LIN9: variants seen among roughly 807,000 people sequenced by gnomAD.
LIN9 encodes the protein lin-9 DREAM MuvB core complex component.
A neutral mutation model predicts 78.0 loss-of-function variants in LIN9; 18 were observed. That is an observed-to-expected ratio of 0.23 (90% CI 0.16 to 0.34). LIN9 has a LOEUF of 0.34. LIN9 is among the 10% of genes least tolerant of loss of function. The pLI, the probability that LIN9 is intolerant of heterozygous loss-of-function variation, is 1.00. For synonymous variants in LIN9, 192 were observed against 215.2 expected, an observed-to-expected ratio of 0.89 and a Z score of 0.94; for missense variants, 451 against 644.1, an observed-to-expected ratio of 0.70 and a Z score of 3.25.
chr1:226,235,352 G>C (rs1657627581), intron 12 of LIN9, among the ~76,000 whole-genome samples: 1 of 141,560 alleles, frequency 7.1e-6, no homozygotes, highest in Non-Finnish European at 1.5e-5. Flanking sequence ...AAGAGTTTCA[G>C]GACTGCTATG....
chr1:226,259,191 C>T (rs1659407270), intron 10 of LIN9, among the ~76,000 whole-genome samples: 1 of 151,992 alleles, frequency 6.6e-6, no homozygotes, highest in Admixed American at 6.6e-5. Flanking sequence ...AATTCCTGAC[C>T]TCAAGTGATC....
intron 1 of LIN9, 103 bp downstream of exon 1, chr1:226,309,006 G>C: frequency 2.5e-6 from 3 of 1,194,274 alleles, no homozygotes; most frequent in Non-Finnish European, 3.2e-6. Flanking sequence ...CTGGCAGTCA[G>C]CCCACCTGCC....
chr1:226,285,087 A>C (rs1661310337), intron 6 of LIN9, among the ~76,000 whole-genome samples: 1 of 152,240 alleles, frequency 6.6e-6, no homozygotes, highest in South Asian at 2.1e-4. Flanking sequence ...CTATAAGATT[A>C]AATAATGTTA....
At chr1:226,287,283 A>C (rs1258532339) in intron 5 of LIN9, among the ~76,000 whole-genome samples, 2 of 152,204 alleles carry the variant, frequency 1.3e-5, no homozygotes, top group Non-Finnish European at 2.9e-5. Flanking sequence ...CCTCTTAAAA[A>C]TCTTAAGCCA....
chr1:226,237,358 C>T (rs1416442696), intron 12 of LIN9, among the ~76,000 whole-genome samples: 6 of 152,112 alleles, frequency 3.9e-5, no homozygotes, highest in Non-Finnish European at 8.8e-5. Flanking sequence ...TATTGCTGGG[C>T]GCGGTGACTC....
At chr1:226,293,018 G>A (rs1350671676) in intron 4 of LIN9, among the ~76,000 whole-genome samples, 1 of 152,142 alleles carries the variant, frequency 6.6e-6, no homozygotes, top group Non-Finnish European at 1.5e-5. Context: ...CAACACATAA[G>A]TAATCAGTAA....
chr1:226,266,538 C>A (rs1156646851), intron 8 of LIN9, among the ~76,000 whole-genome samples: 1 of 148,774 alleles, frequency 6.7e-6, no homozygotes, highest in Non-Finnish European at 1.5e-5. Flanking sequence ...TATGAAAACA[C>A]TACTTTGCTG....
chr1:226,233,969 G>A (rs987952364), intron 12 of LIN9, among the ~76,000 whole-genome samples: 1 of 152,160 alleles, frequency 6.6e-6, no homozygotes, highest in African/African-American at 2.4e-5. Context: ...ATCCCCCAAT[G>A]TGGGTTTGTT....
chr1:226,302,403 T>C (rs1192068945), intron 1 of LIN9, among the ~76,000 whole-genome samples: 1 of 151,720 alleles, frequency 6.6e-6, no homozygotes, highest in Non-Finnish European at 1.5e-5. Context: ...ATTAACTGGG[T>C]GTGGTGGCGA....
At chr1:226,258,085 G>A (rs1659316390) in intron 10 of LIN9, among the ~76,000 whole-genome samples, 1 of 152,118 alleles carries the variant, frequency 6.6e-6, no homozygotes, top group Non-Finnish European at 1.5e-5. Flanking sequence ...TTGGGAGGCT[G>A]AGGTGGGAGG....
intron 7 of LIN9, among the ~76,000 whole-genome samples, chr1:226,273,130 C>T (rs1184653709): frequency 6.6e-6 from 1 of 151,848 alleles, no homozygotes; most frequent in African/African-American, 2.4e-5. Context: ...AGTTCATTGG[C>T]ATTTAATACA....
chr1:226,302,339 C>T (rs1281159564), intron 1 of LIN9, among the ~76,000 whole-genome samples: 1 of 152,076 alleles, frequency 6.6e-6, no homozygotes, highest in African/African-American at 2.4e-5. Context: ...GTCAGGAGAT[C>T]AAGACCATCT....
intron 1 of LIN9, among the ~76,000 whole-genome samples, chr1:226,307,404 G>A (rs1040878534): frequency 2.0e-5 from 3 of 152,160 alleles, no homozygotes; most frequent in Non-Finnish European, 2.9e-5. Context: ...AGGCCGAGGC[G>A]GGTGGATCAC....
intron 3 of LIN9, among the ~76,000 whole-genome samples, chr1:226,297,035 T>C (rs1259496136): frequency 1.3e-5 from 2 of 152,060 alleles, no homozygotes; most frequent in Admixed American, 1.3e-4. Context: ...CTCAGAGTCT[T>C]GATACTCTAT....
chr1:226,308,945 G>A, intron 1 of LIN9, 164 bp downstream of exon 1: 1 of 542,032 alleles, frequency 1.8e-6, no homozygotes, highest in Non-Finnish European at 2.7e-6. Context: ...TAACAAAGGC[G>A]GCGACGCGGC....
intron 11 of LIN9, among the ~76,000 whole-genome samples, chr1:226,240,817 T>C (rs574885394): frequency 6.6e-6 from 1 of 152,204 alleles, no homozygotes; most frequent in South Asian, 2.1e-4. Context: ...CCCAAGTAGC[T>C]TGGACTACAG....
intron 11 of LIN9, among the ~76,000 whole-genome samples, chr1:226,248,712 AAAAG>A (rs1445519873): frequency 5.3e-5 from 8 of 152,210 alleles, no homozygotes; most frequent in African/African-American, 1.2e-4. Context: ...TATGCACAGA[AAAAG>A]AAATCCATAT....
At chr1:226,291,296 ATAG>A (rs1263853703) in intron 4 of LIN9, among the ~76,000 whole-genome samples, 2 of 152,194 alleles carry the variant, frequency 1.3e-5, no homozygotes, top group African/African-American at 4.8e-5. Flanking sequence ...ATACTATTCA[ATAG>A]TAAAAAGAAA....
rs1662946754 is a variant in LIN9, at chr1:226,306,818, G to C, written c.31+2291C>G. Reference sequence around the variant, plus strand: ...AATCGCTTTTCCTTTTCAAGACCCTGCTCTAGTTTCAGTAATAATACCTGT... The same window carrying C: ...AATCGCTTTTCCTTTTCAAGACCCTCCTCTAGTTTCAGTAATAATACCTGT... On this transcript the variant is annotated intron_variant, in intron 1 of 14. Coordinates refer to ENST00000681046, the MANE Select transcript of LIN9 (RefSeq NM_001366245.2). Among the ~76,000 whole-genome samples, 2 of 152,064 alleles carry C rather than the reference G, an allele frequency of 1.3e-5. 1 individual carries two copies. Among genetic ancestry groups the C allele is most frequent in the South Asian group, 4.1e-4 (2 of 4,828 alleles).
Sources: allele counts gnomAD v4.1 joint callset (sites outside exome capture counted in the v4.1 genomes callset), GRCh38; gene constraint gnomAD v4.1.1; transcripts MANE v1.5; gene names NCBI Gene and HGNC (gene_info 2026-07-23, HGNC 2026-07-21).